MEIS3: variants seen among roughly 807,000 people sequenced by gnomAD.
The protein encoded by MEIS3 is Meis homeobox 3, also known as homeobox protein Meis3.
Under a neutral mutation model 51.4 loss-of-function variants are expected in MEIS3, and 38 were observed. That is an observed-to-expected ratio of 0.74 (90% CI 0.57 to 0.97). The LOEUF (loss-of-function observed/expected upper bound fraction) is 0.97. Among genes scored for constraint, MEIS3 ranks in the 50% least tolerant of loss-of-function variants. The pLI is 0.00. For missense variants in MEIS3, 456 were observed against 502.6 expected (o/e 0.91, Z 0.89); for synonymous variants, 198 against 201.8 (o/e 0.98, Z 0.16).
Position 47,414,831 on chromosome 19 carries a change from G to A in MEIS3, c.483C>T (p.Tyr161=), listed in dbSNP as rs1445579264. Residue 161 remains tyrosine (Y), a synonymous_variant, in exon 6 of 13, where the codon TAC becomes TAT. Coordinates refer to ENST00000558555, the MANE Select transcript of MEIS3 (RefSeq NM_001301059.2). ...GCATCTTTCCCTTGAGGCAGGTGAT[G>A]TAGCGGTGACAGAAGTTGTCGCACA... is the stretch of plus-strand genomic sequence containing the variant. The part of the protein sequence containing the change: ...HDLCDNFCHR[Y]ITCLKGKMPI... The A allele has an allele frequency of 5.6e-6, 9 of 1,612,158 alleles. No individual in the cohort carries two copies. Among genetic ancestry groups the A allele is most frequent in the Middle Eastern group, 1.6e-4 (1 of 6,084 alleles).
At chr19:47,410,906 C>A (rs2122510200) in intron 6 of MEIS3, among the ~76,000 whole-genome samples, 1 of 152,282 alleles carries the variant, frequency 6.6e-6, no homozygotes, top group South Asian at 2.1e-4. Context: ...ATCCTTGGGG[C>A]AAGAAGTGTC....
chr19:47,403,927 C>G (rs759582238), intron 12 of MEIS3, among the ~76,000 whole-genome samples: 2 of 151,936 alleles, frequency 1.3e-5, no homozygotes, highest in Non-Finnish European at 2.9e-5. Flanking sequence ...GGAGGCTGGG[C>G]GCGGTGACTC....
At chr19:47,412,768 C>G (rs1015411192) in intron 6 of MEIS3, among the ~76,000 whole-genome samples, 2 of 151,894 alleles carry the variant, frequency 1.3e-5, no homozygotes, top group African/African-American at 4.8e-5. Context: ...CGGGGTTTCA[C>G]CATGTTGGCC....
chr19:47,407,078 C>T lies in MEIS3; in HGVS notation c.994+1G>A. 1 of 1,610,538 alleles carries T rather than the reference C, an allele frequency of 6.2e-7. No homozygotes were observed. The highest frequency in any genetic ancestry group is 8.5e-7 in the Non-Finnish European group (1 of 1,178,708). ...TCTCCGTCCCCGCCTTCCCCCTGTA[C>T]CTGTGCGGTTGGATTGATCGATCAT... On this transcript the variant is annotated splice_donor_variant, in intron 10 of 12. Coordinates refer to ENST00000558555, the MANE Select transcript of MEIS3 (RefSeq NM_001301059.2). LOFTEE classifies it high-confidence loss of function.
chr19:47,420,932 A>ACTCT (rs1404620215), upstream of MEIS3, among the ~76,000 whole-genome samples: 28 of 109,776 alleles, frequency 2.6e-4, no homozygotes, highest in African/African-American at 1.2e-3. Context: ...ACACACACAC[A>ACTCT]CACACACACT....
chr19:47,414,695 C>A, intron 6 of MEIS3, 22 bp downstream of exon 6: 1 of 1,570,172 alleles, frequency 6.4e-7, no homozygotes, highest in East Asian at 2.3e-5. Context: ...AGGACGATGC[C>A]TGGTGCCCGT....
intron 11 of MEIS3, 44 bp downstream of exon 11, chr19:47,406,844 C>T (rs1038237416): frequency 1.3e-6 from 2 of 1,507,650 alleles, no homozygotes; most frequent in African/African-American, 2.8e-5. Flanking sequence ...ACAGGTGGGT[C>T]ATGGTGCGCA....
intron 6 of MEIS3, among the ~76,000 whole-genome samples, chr19:47,412,540 A>AT (rs1971187261): frequency 6.6e-6 from 1 of 151,908 alleles, no homozygotes; most frequent in African/African-American, 2.4e-5. Flanking sequence ...GGCGCACGAC[A>AT]TAACACCCAG....
chr19:47,420,906 T>TCACACACACACACA (rs1243936482), upstream of MEIS3, among the ~76,000 whole-genome samples: 1 of 91,668 alleles, frequency 1.1e-5, no homozygotes, highest in African/African-American at 3.8e-5. Context: ...TCTCTCTCTC[T>TCACACACACACACA]CTCTCACACA....
chr19:47,417,839 G>A (rs1015371235), intron 1 of MEIS3: 6 of 610,048 alleles, frequency 9.8e-6, no homozygotes, highest in Non-Finnish European at 1.5e-5. Context: ...CACTCGCCAC[G>A]TGAATCTACC....
chr19:47,406,639 G>A, intron 11 of MEIS3, 113 bp from the exon 12 acceptor site: 1 of 1,095,284 alleles, frequency 9.1e-7, no homozygotes. Context: ...AGGATAGACT[G>A]AGTCATAAGA....
rs73558056 is a variant in MEIS3 at position 47,411,244 on chromosome 19, A to G, written c.598-1697T>C. Among the ~76,000 whole-genome samples, 1,249 of 152,148 alleles carry G rather than the reference A, an allele frequency of 8.2e-3. 21 individuals carry two copies. Among genetic ancestry groups the G allele is most frequent in the African/African-American group, 0.028 (1,178 of 41,504 alleles). On this transcript the variant is annotated intron_variant, in intron 6 of 12. Coordinates refer to ENST00000558555, the MANE Select transcript of MEIS3 (RefSeq NM_001301059.2). ...AGCCACTGCGCCAGGCCCATTTCAC[A>G]TTTCTAGGCAATAAATCAGCGCATA...
chr19:47,414,891 G>T (rs747588214), intron 5 of MEIS3, 25 bp from the exon 6 acceptor site: 3 of 1,572,242 alleles, frequency 1.9e-6, no homozygotes, highest in Non-Finnish European at 1.7e-6. Flanking sequence ...GGGTACTGGG[G>T]GGGGCCACCC....
At chr19:47,407,319 G>A (rs201450525) in intron 9 of MEIS3, 33 bp downstream of exon 9, 4 of 1,602,378 alleles carry the variant, frequency 2.5e-6, no homozygotes, top group South Asian at 1.1e-5. Context: ...CTCTCGCCCC[G>A]GGCCGGCCCG....
At chr19:47,420,558 G>GGAGAGAGAGAGAGA (rs372574588), upstream of MEIS3, among the ~76,000 whole-genome samples, 4 of 133,604 alleles carry the variant, frequency 3.0e-5, no homozygotes, top group South Asian at 9.7e-4. Context: ...GCGGGTGGGA[G>GGAGAGAGAGAGAGA]GAGAGAGAGA....
rs191061024 is a variant in MEIS3, at chr19:47,409,245, C to A, written c.712G>T (p.Asp238Tyr). 153 of 1,609,888 alleles carry A rather than the reference C, an allele frequency of 9.5e-5. 2 individuals are homozygous for A. The highest frequency in any genetic ancestry group is 7.6e-6 in the Non-Finnish European group (9 of 1,178,568). The change falls in exon 8 of 13, where the codon GAC (aspartate) becomes TAC (tyrosine). Residue 238 changes from aspartate to tyrosine, a missense_variant and splice_region_variant. Transcript: ENST00000558555. ...GAGGCCACGCTGGTGTCCAGCCCGT[C>A]TCCTGAGGGAAGGCAGGCATGCTGT... ...QSGDNSSDQG[D>Y]GLDTSVASPS...
chr19:47,406,385 G>A (rs1390122253), intron 12 of MEIS3, 75 bp downstream of exon 12: 2 of 1,276,172 alleles, frequency 1.6e-6, no homozygotes, highest in Non-Finnish European at 2.3e-6. Flanking sequence ...TACTCTGGAA[G>A]TGCCCACTCT....
intron 5 of MEIS3, 73 bp downstream of exon 5, chr19:47,414,977 TG>T: frequency 9.2e-6 from 4 of 435,450 alleles, no homozygotes; most frequent in Non-Finnish European, 9.1e-6. Context: ...AGCTGGAAGG[TG>T]GGGGGCAGAG....
Position 47,409,168 on chromosome 19 carries a change from G to C in MEIS3, c.789C>G (p.Asn263Lys). 1 of 1,612,486 alleles carries C rather than the reference G, an allele frequency of 6.2e-7. No homozygotes were observed. Among genetic ancestry groups the C allele is most frequent in the Non-Finnish European group, 8.5e-7 (1 of 1,179,994 alleles). Residue 263 changes from asparagine (N) to lysine (K), a missense_variant, in exon 8 of 13, where the codon AAC becomes AAG. Coordinates refer to ENST00000558555, the MANE Select transcript of MEIS3 (RefSeq NM_001301059.2). ...DEDLDQERRR[N>K]KKRGIFPKVA... ...CCTTGGGGAAGATCCCCCTCTTCTTGTTTCGCCGTCGCTCCTGGTCCAAGT... is the reference window on the plus strand; with the variant it reads ...CCTTGGGGAAGATCCCCCTCTTCTTCTTTCGCCGTCGCTCCTGGTCCAAGT...
Sources: allele counts gnomAD v4.1 joint callset (sites outside exome capture counted in the v4.1 genomes callset), GRCh38; gene constraint gnomAD v4.1.1; transcripts MANE v1.5; gene names NCBI Gene and HGNC (gene_info 2026-07-23, HGNC 2026-07-21).